The following PSMD1 variants were observed in gnomAD, a reference collection of about 807,000 sequenced individuals.
PSMD1 encodes the protein proteasome 26S subunit, non-ATPase 1.
In PSMD1, 18 loss-of-function variants were observed where a neutral mutation model predicts 119.0. The observed-to-expected ratio is 0.15, with a 90% confidence interval of 0.10 to 0.22. PSMD1 has a LOEUF of 0.22. Ranked by LOEUF, PSMD1 falls within the 10% of genes least tolerant of loss-of-function variation. The pLI, the probability that PSMD1 is intolerant of heterozygous loss-of-function variation, is 1.00. For synonymous variants in PSMD1, 374 were observed against 396.6 expected (o/e 0.94, Z 0.68); for missense variants, 702 against 1,158.5 (o/e 0.61, Z 5.72).
At chr2:231,081,761 TC>T (rs1311593845) in intron 12 of PSMD1, among the ~76,000 whole-genome samples, 2 of 152,230 alleles carry the variant, frequency 1.3e-5, no homozygotes, top group African/African-American at 4.8e-5. Flanking sequence ...CACTAAAGTT[TC>T]CTCTTTCAAA....
In PSMD1 at chr2:231,113,097, G is replaced by A. The variant is rs528899040; in HGVS notation, c.1884-25639G>A. ...GAGGATCGCTTGAGCCCGGGAAGTC[G>A]AGGCAGCAGTGAACCATGATTGTGC... On this transcript the variant is annotated intron_variant, in intron 16 of 24. Transcript: ENST00000308696. Among the ~76,000 whole-genome samples the A allele has an allele frequency of 1.4e-3, 220 of 152,238 alleles. 1 individual carries two copies. Among genetic ancestry groups the A allele is most frequent in the Non-Finnish European group, 2.8e-3 (189 of 68,014 alleles).
intron 16 of PSMD1, among the ~76,000 whole-genome samples, chr2:231,134,676 C>T (rs558221251): frequency 6.6e-6 from 1 of 152,302 alleles, no homozygotes; most frequent in African/African-American, 2.4e-5. Context: ...AAGCTTGTTT[C>T]TCACATTCCA....
At chr2:231,119,028 G>GTT (rs2125224468) in intron 16 of PSMD1, among the ~76,000 whole-genome samples, 1 of 152,212 alleles carries the variant, frequency 6.6e-6, no homozygotes, top group East Asian at 1.9e-4. Context: ...TTTCTGTTTT[G>GTT]TTTTTTACTT....
At chr2:231,097,880 CAG>C (rs1458135174) in intron 16 of PSMD1, among the ~76,000 whole-genome samples, 3 of 152,066 alleles carry the variant, frequency 2.0e-5, no homozygotes, top group Non-Finnish European at 4.4e-5. Flanking sequence ...AGTTATTTGG[CAG>C]AGTGTCCAGC....
intron 19 of PSMD1, among the ~76,000 whole-genome samples, chr2:231,154,894 G>A (rs1696451717): frequency 1.3e-5 from 2 of 152,200 alleles, no homozygotes; most frequent in South Asian, 4.1e-4. Context: ...AATAAGGTAA[G>A]TTGAATATTT....
At chr2:231,165,058 A>ATATATATATATATATATT (rs1696741175) in intron 21 of PSMD1, 142 bp from the exon 22 acceptor site, 1 of 27,510 alleles carries the variant, frequency 3.6e-5, no homozygotes, top group Non-Finnish European at 5.8e-5. Context: ...ATATATATAT[A>ATATATATATATATATATT]TATATATATA....
At chr2:231,151,876 G>A (rs1346917644) in intron 18 of PSMD1, among the ~76,000 whole-genome samples, 2 of 139,310 alleles carry the variant, frequency 1.4e-5, no homozygotes, top group African/African-American at 5.6e-5. Context: ...GCAGTGGCAC[G>A]ATCTCGGTTC....
intron 16 of PSMD1, among the ~76,000 whole-genome samples, chr2:231,094,465 G>A (rs1694678639): frequency 6.6e-6 from 1 of 152,248 alleles, no homozygotes; most frequent in Non-Finnish European, 1.5e-5. Context: ...CACACAGGGT[G>A]GGCTCGAGAA....
intron 16 of PSMD1, among the ~76,000 whole-genome samples, chr2:231,087,703 C>G (rs1043307774): frequency 6.6e-6 from 1 of 152,166 alleles, no homozygotes; most frequent in Non-Finnish European, 1.5e-5. Flanking sequence ...TAGCTCATGC[C>G]TGTAATCCCA....
At chr2:231,108,566 A>G (rs148299796) in intron 16 of PSMD1, 31 of 1,613,878 alleles carry the variant, frequency 1.9e-5, no homozygotes, top group Non-Finnish European at 2.5e-5. Context: ...ATTTTCAGTG[A>G]GGAGAAGCGT....
chr2:231,163,553 C>G (rs931608389), intron 20 of PSMD1, 82 bp from the exon 21 acceptor site: 37 of 964,654 alleles, frequency 3.8e-5, no homozygotes, highest in Non-Finnish European at 5.3e-5. Flanking sequence ...TGCATTAAAA[C>G]TTTGGTCTCC....
chr2:231,125,154 A>G lies in PSMD1; in HGVS notation c.1884-13582A>G, dbSNP rs1695689483. The G allele has an allele frequency of 1.3e-5, 2 of 152,172 alleles. 1 individual carries two copies. Among genetic ancestry groups the G allele is most frequent in the South Asian group, 4.1e-4 (2 of 4,830 alleles). 9.4% of individuals were successfully genotyped at this position (152,172 alleles called of 1,614,324 possible). Reference sequence around the variant, plus strand: ...TGCCAAGGAGGTTATTTCCTCTTTGATACATTCATTTTTAGAGAGTAGCAG... The same window carrying G: ...TGCCAAGGAGGTTATTTCCTCTTTGGTACATTCATTTTTAGAGAGTAGCAG... On this transcript the variant is annotated intron_variant, in intron 16 of 24. Transcript: ENST00000308696.
chr2:231,145,894 CAAAAAAAAAAAAAAA>C (rs36124651), intron 17 of PSMD1, among the ~76,000 whole-genome samples: 2 of 46,538 alleles, frequency 4.3e-5, no homozygotes, highest in Non-Finnish European at 8.0e-5. Context: ...AGCTACATCT[CAAAAAAAAAAAAAAA>C]AAAAAAAAAA....
intron 1 of PSMD1, among the ~76,000 whole-genome samples, chr2:231,059,681 C>T (rs950046040): frequency 6.6e-6 from 1 of 152,214 alleles, no homozygotes; most frequent in Admixed American, 6.5e-5. Context: ...GCTGTGTCTT[C>T]TGGAACATAC....
intron 16 of PSMD1, among the ~76,000 whole-genome samples, chr2:231,102,613 C>G (rs983140601): frequency 2.6e-5 from 4 of 151,952 alleles, no homozygotes; most frequent in Non-Finnish European, 5.9e-5. Flanking sequence ...CTATGAAGTG[C>G]AAGCGGATCA....
At chr2:231,163,440 G>A (rs1696685338) in intron 20 of PSMD1, 195 bp from the exon 21 acceptor site, 2 of 507,564 alleles carry the variant, frequency 3.9e-6, no homozygotes, top group East Asian at 6.0e-5. Flanking sequence ...ATTAAGAAAA[G>A]TATAGAGAAC....
chr2:231,066,830 T>C, intron 4 of PSMD1, 76 bp from the exon 5 acceptor site: 21 of 1,198,586 alleles, frequency 1.8e-5, no homozygotes, highest in Non-Finnish European at 2.3e-5. Flanking sequence ...TATATATGAT[T>C]ATAAATATAG....
At chr2:231,091,232 C>G (rs764595122) in intron 16 of PSMD1, among the ~76,000 whole-genome samples, 2 of 152,156 alleles carry the variant, frequency 1.3e-5, no homozygotes, top group Non-Finnish European at 2.9e-5. Context: ...AGAGAGCAGT[C>G]CTGCACACGA....
intron 16 of PSMD1, among the ~76,000 whole-genome samples, chr2:231,120,754 G>A (rs547295572): frequency 5.2e-4 from 79 of 152,206 alleles, no homozygotes; most frequent in Non-Finnish European, 9.1e-4. Flanking sequence ...ATTCCCCTGC[G>A]ATAGCTAAAA....
Sources: allele counts gnomAD v4.1 joint callset (sites outside exome capture counted in the v4.1 genomes callset), GRCh38; gene constraint gnomAD v4.1.1; transcripts MANE v1.5; gene names NCBI Gene and HGNC (gene_info 2026-07-23, HGNC 2026-07-21).